The following JAKMIP2 variants were observed in gnomAD, a reference collection of about 807,000 sequenced individuals.
JAKMIP2 encodes janus kinase and microtubule-interacting protein 2.
A neutral mutation model predicts 115.0 loss-of-function variants in JAKMIP2; 25 were observed. That is an observed-to-expected ratio of 0.22 (90% CI 0.16 to 0.30). The LOEUF is 0.30. Among genes scored for constraint, JAKMIP2 ranks in the 10% least tolerant of loss-of-function variants. The probability of loss-of-function intolerance (pLI) is 1.00; values close to 1 mark genes in which losing one functional copy is unlikely to be tolerated. For synonymous variants in JAKMIP2, 334 were observed against 343.6 expected (o/e 0.97, Z 0.31); for missense variants, 642 against 957.6 (o/e 0.67, Z 4.35).
chr5:147,689,249 G>C (rs1427331677), intron 1 of JAKMIP2, among the ~76,000 whole-genome samples: 2 of 152,172 alleles, frequency 1.3e-5, no homozygotes, highest in Non-Finnish European at 2.9e-5. Context: ...TGGGAGGGCA[G>C]TGTGTGCAGA....
intron 5 of JAKMIP2, among the ~76,000 whole-genome samples, chr5:147,645,424 G>A (rs1284902163): frequency 6.6e-6 from 1 of 152,142 alleles, no homozygotes; most frequent in Admixed American, 6.5e-5. Flanking sequence ...ACCAGGAGCT[G>A]AATCCAAGCC....
chr5:147,629,740 T>C lies in JAKMIP2; in HGVS notation c.1882A>G (p.Asn628Asp), dbSNP rs759600749. Reference sequence around the variant, plus strand: ...AGCTGCTTTATGAGATCAGGGATGTTCACATCCTGCAAAATCAAGCAGAAA... The same window carrying C: ...AGCTGCTTTATGAGATCAGGGATGTCCACATCCTGCAAAATCAAGCAGAAA... ...YCMKEGVKDV[N>D]IPDLIKQLDI... Residue 628 changes from asparagine to aspartate, a missense_variant, in exon 15 of 22, where the codon AAC becomes GAC. Physicochemically the swap from Asn to Asp is conservative, Grantham distance 23 (BLOSUM62 1). This residue lies in a region of JAKMIP2 where 103 missense variants were observed against 177.6 expected (regional missense o/e 0.58). Coordinates refer to ENST00000616793, the MANE Select transcript of JAKMIP2 (RefSeq NM_001270941.2). 3 of 1,611,892 alleles carry C rather than the reference T, an allele frequency of 1.9e-6. No individual in the cohort carries two copies. The highest frequency in any genetic ancestry group is 2.5e-6 in the Non-Finnish European group (3 of 1,178,782).
intron 3 of JAKMIP2, chr5:147,660,605 AT>A: frequency 2.7e-6 from 1 of 364,628 alleles, no homozygotes; most frequent in South Asian, 2.3e-5. Context: ...AGAATCCATG[AT>A]TTAGAATATT....
chr5:147,719,102 T>A (rs1229896058), intron 1 of JAKMIP2, among the ~76,000 whole-genome samples: 2 of 135,870 alleles, frequency 1.5e-5, no homozygotes, highest in African/African-American at 2.9e-5. Context: ...CATTTCGTTA[T>A]GTACCCAGTA....
At position 147,623,257 on chromosome 5, in the gene JAKMIP2, T is replaced by A. The variant is rs985671848; in HGVS notation, c.2064+364A>T. Among the ~76,000 whole-genome samples, 31 of 150,840 alleles carry A rather than the reference T, an allele frequency of 2.1e-4. 1 individual carries two copies. Among genetic ancestry groups the A allele is most frequent in the African/African-American group, 7.1e-4 (29 of 40,810 alleles). ...TTTTTTTTGATAAGAGTTATTCTAA[T>A]GGATGTAAGGTGGCTTAGGGATTTT... On this transcript the variant is annotated intron_variant, in intron 17 of 21. Coordinates refer to ENST00000616793, the MANE Select transcript of JAKMIP2 (RefSeq NM_001270941.2).
At chr5:147,627,862 C>A (rs1757175127) in intron 16 of JAKMIP2, among the ~76,000 whole-genome samples, 1 of 151,952 alleles carries the variant, frequency 6.6e-6, no homozygotes, top group Non-Finnish European at 1.5e-5. Context: ...GTTCTTTGTT[C>A]TCCCTGTTTT....
intron 19 of JAKMIP2, among the ~76,000 whole-genome samples, chr5:147,617,403 G>C (rs937590234): frequency 1.3e-5 from 2 of 152,112 alleles, no homozygotes; most frequent in Admixed American, 1.3e-4. Context: ...ATGAAATGAT[G>C]TAAGTAGAGT....
chr5:147,721,855 G>A (rs994851957), intron 1 of JAKMIP2, among the ~76,000 whole-genome samples: 4 of 152,020 alleles, frequency 2.6e-5, no homozygotes, highest in Non-Finnish European at 5.9e-5. Flanking sequence ...GTTCCTATTC[G>A]GCCATCTTGG....
intron 1 of JAKMIP2, among the ~76,000 whole-genome samples, chr5:147,773,757 C>T (rs1018191155): frequency 1.3e-5 from 2 of 152,094 alleles, no homozygotes; most frequent in African/African-American, 4.8e-5. Flanking sequence ...ACCCAAAGGT[C>T]ACACTCAGAT....
At chr5:147,756,465 T>TAAAA (rs1175403012) in intron 1 of JAKMIP2, among the ~76,000 whole-genome samples, 29 of 152,184 alleles carry the variant, frequency 1.9e-4, no homozygotes, top group African/African-American at 2.4e-5. Flanking sequence ...TATAAGACAT[T>TAAAA]AAAACAGGAA....
chr5:147,685,729 T>C (rs7716745), intron 1 of JAKMIP2, among the ~76,000 whole-genome samples: 28,534 of 152,164 alleles, frequency 0.19, 3,456 homozygotes, highest in African/African-American at 0.34. Flanking sequence ...CATAATGTGA[T>C]GTAAGGCATT....
At chr5:147,638,564 G>A (rs59225792) in intron 10 of JAKMIP2, among the ~76,000 whole-genome samples, 33,226 of 151,970 alleles carry the variant, frequency 0.22, 4,582 homozygotes, top group East Asian at 0.58. Flanking sequence ...ATATGTGTGT[G>A]TGCATGCTAC....
intron 1 of JAKMIP2, among the ~76,000 whole-genome samples, chr5:147,686,132 C>T (rs1488673531): frequency 1.3e-5 from 2 of 152,148 alleles, no homozygotes; most frequent in Non-Finnish European, 2.9e-5. Flanking sequence ...CTCTAAAGTG[C>T]CTCTCCTCTT....
intron 1 of JAKMIP2, among the ~76,000 whole-genome samples, chr5:147,687,806 C>T (rs75485903): frequency 0.012 from 1,846 of 152,252 alleles, 19 homozygotes; most frequent in South Asian, 0.063. Flanking sequence ...ATGCCAAGCA[C>T]AGTATTTACC....
chr5:147,725,423 G>A (rs905919471), intron 1 of JAKMIP2, among the ~76,000 whole-genome samples: 4 of 151,982 alleles, frequency 2.6e-5, no homozygotes, highest in Non-Finnish European at 4.4e-5. Flanking sequence ...GACTCATCCC[G>A]AATTCTTTCT....
At chr5:147,765,112 A>G (rs927350729) in intron 1 of JAKMIP2, among the ~76,000 whole-genome samples, 1 of 151,516 alleles carries the variant, frequency 6.6e-6, no homozygotes, top group Non-Finnish European at 1.5e-5. Context: ...CATAATAGAT[A>G]CATTAAAAAA....
intron 2 of JAKMIP2, among the ~76,000 whole-genome samples, chr5:147,667,433 T>G (rs1759356999): frequency 6.6e-6 from 1 of 152,158 alleles, no homozygotes; most frequent in Non-Finnish European, 1.5e-5. Context: ...AGAAAGATAG[T>G]GATGATTTGA....
At position 147,591,682 on chromosome 5, in the gene JAKMIP2, T is replaced by C; in HGVS notation, c.*25A>G. ...CCTGGGATCTTATCCATGTTTTCGG[T>C]TACTCTGCAAAACAGAGGAAAAAAA... On this transcript the variant is annotated 3_prime_UTR_variant, in exon 22 of 22. Coordinates refer to ENST00000616793, the MANE Select transcript of JAKMIP2 (RefSeq NM_001270941.2). 3 of 1,590,974 alleles carry C rather than the reference T, an allele frequency of 1.9e-6. No homozygotes were observed. Among genetic ancestry groups the C allele is most frequent in the Non-Finnish European group, 2.6e-6 (3 of 1,163,108 alleles).
chr5:147,686,269 T>C (rs942075033), intron 1 of JAKMIP2, among the ~76,000 whole-genome samples: 1 of 151,950 alleles, frequency 6.6e-6, no homozygotes, highest in Admixed American at 6.6e-5. Flanking sequence ...TCTCTTTTCA[T>C]GAAGGGACTG....
Sources: allele counts gnomAD v4.1 joint callset (sites outside exome capture counted in the v4.1 genomes callset), GRCh38; gene constraint gnomAD v4.1.1; regional missense constraint gnomAD v4.1.1; transcripts MANE v1.5; gene names NCBI Gene and HGNC (gene_info 2026-07-23, HGNC 2026-07-21).